The following ABCA12 variants were observed in gnomAD, a reference collection of about 807,000 sequenced individuals.
The protein encoded by ABCA12 is glucosylceramide transporter ABCA12.
Under a neutral mutation model 293.5 loss-of-function variants are expected in ABCA12, and 156 were observed. The ratio of observed to expected loss-of-function variants is 0.53; its 90% CI spans 0.47 to 0.61. The LOEUF is 0.61. Ranked by LOEUF, ABCA12 falls within the 20% of genes least tolerant of loss-of-function variation. The probability of loss-of-function intolerance (pLI) is 0.00; values close to 1 mark genes in which losing one functional copy is unlikely to be tolerated. For synonymous variants in ABCA12, 1,063 were observed against 1,108.0 expected, an observed-to-expected ratio of 0.96 and a Z score of 0.81; for missense variants, 2,797 against 3,090.2, an observed-to-expected ratio of 0.91 and a Z score of 2.25.
intron 2 of ABCA12, among the ~76,000 whole-genome samples, chr2:215,086,531 T>C (rs1198485563): frequency 6.6e-6 from 1 of 152,192 alleles, no homozygotes; most frequent in Non-Finnish European, 1.5e-5. Flanking sequence ...ATACTGTAAA[T>C]GTACCTCCAC....
chr2:214,947,667 A>C, intron 47 of ABCA12, 111 bp from the exon 48 acceptor site: 2 of 1,244,012 alleles, frequency 1.6e-6, no homozygotes. Context: ...CATGGAGAAT[A>C]TATCTGGAAA....
chr2:215,075,193 A>T (rs1275415637), intron 2 of ABCA12, among the ~76,000 whole-genome samples: 3 of 152,114 alleles, frequency 2.0e-5, no homozygotes, highest in Non-Finnish European at 4.4e-5. Context: ...AGAGGGGGGA[A>T]AATTGAGTAA....
chr2:214,980,955 G>A (rs1347379902), intron 30 of ABCA12, among the ~76,000 whole-genome samples: 4 of 151,920 alleles, frequency 2.6e-5, no homozygotes, highest in Non-Finnish European at 5.9e-5. Context: ...TGTGGTGGCG[G>A]ATGCCTATAA....
chr2:214,944,508 T>C (rs76077533), intron 49 of ABCA12, among the ~76,000 whole-genome samples: 180 of 152,014 alleles, frequency 1.2e-3, no homozygotes, highest in African/African-American at 4.0e-3. Context: ...ATGGGAAGAA[T>C]GCAGAACCAG....
At chr2:214,963,184 G>A (rs956970748) in intron 39 of ABCA12, 1 of 151,772 alleles carries the variant, frequency 6.6e-6, no homozygotes, top group Non-Finnish European at 1.5e-5. Context: ...TAACAAATAA[G>A]AAAAGAGAGA....
chr2:215,105,597 ACACG>A (rs1158405653), intron 2 of ABCA12, among the ~76,000 whole-genome samples: 13 of 135,262 alleles, frequency 9.6e-5, no homozygotes, highest in African/African-American at 3.9e-4. Flanking sequence ...ACACACACAC[ACACG>A]CACACACACA....
Position 215,049,610 on chromosome 2 carries a change from A to G in ABCA12, c.693+16T>C, listed in dbSNP as rs751560988. On this transcript the variant is annotated intron_variant, in intron 6 of 52. Coordinates refer to ENST00000272895, the MANE Select transcript of ABCA12 (RefSeq NM_173076.3). ...TTCATGTTGAGTCACTTTGTGGATC[A>G]AAGATCTACACTCACCTGGGAGAAC... 1.3e-6 allele frequency: 2 copies of G among 1,588,038 alleles called. No individual in the cohort carries two copies. Among genetic ancestry groups the G allele is most frequent in the Non-Finnish European group, 1.7e-6 (2 of 1,166,588 alleles).
chr2:215,009,134 C>T (rs1700317374), intron 18 of ABCA12, among the ~76,000 whole-genome samples: 1 of 152,104 alleles, frequency 6.6e-6, no homozygotes, highest in Non-Finnish European at 1.5e-5. Context: ...CCATGGGATA[C>T]CACACAACCA....
At chr2:215,062,554 C>G (rs1393938169) in intron 3 of ABCA12, among the ~76,000 whole-genome samples, 3 of 152,068 alleles carry the variant, frequency 2.0e-5, no homozygotes, top group Non-Finnish European at 4.4e-5. Context: ...ATGCTCTGGT[C>G]TCTGAGGTTC....
At chr2:215,087,636 T>C (rs1702069000) in intron 2 of ABCA12, among the ~76,000 whole-genome samples, 1 of 152,058 alleles carries the variant, frequency 6.6e-6, no homozygotes, top group Non-Finnish European at 1.5e-5. Flanking sequence ...CAGGGTATGA[T>C]ATTAAAGGAT....
Position 214,958,268 on chromosome 2 carries a change from G to A in ABCA12, c.6117+9C>T. The stretch of plus-strand genomic sequence containing the variant: ...TTATTCCCTGCAATGAAGGACATAA[G>A]TTACTCACCATGTCATAAATGAAGT... On this transcript the variant is annotated intron_variant, in intron 41 of 52. Transcript: ENST00000272895. 1 of 1,613,740 alleles carries A rather than the reference G, an allele frequency of 6.2e-7. No homozygotes were observed. The highest frequency in any genetic ancestry group is 8.5e-7 in the Non-Finnish European group (1 of 1,179,656).
chr2:214,961,792 C>A (rs951232222), intron 39 of ABCA12: 3 of 151,968 alleles, frequency 2.0e-5, no homozygotes, highest in African/African-American at 7.2e-5. Flanking sequence ...GTATTTTCTT[C>A]TTGGTTTCTC....
intron 44 of ABCA12, among the ~76,000 whole-genome samples, chr2:214,953,564 A>G (rs1025285652): frequency 2.6e-5 from 4 of 152,174 alleles, no homozygotes; most frequent in Admixed American, 2.0e-4. Context: ...TCTTTTGTTC[A>G]TTTACATATT....
chr2:214,966,826 A>G (rs1699271091), intron 39 of ABCA12, 22 bp downstream of exon 39: 1 of 1,607,986 alleles, frequency 6.2e-7, no homozygotes, highest in Non-Finnish European at 8.5e-7. Context: ...AATACAGGAC[A>G]CTTTTGTGTT....
intron 50 of ABCA12, among the ~76,000 whole-genome samples, chr2:214,939,634 T>C (rs1224402855): frequency 1.3e-5 from 2 of 152,214 alleles, no homozygotes; most frequent in East Asian, 1.9e-4. Flanking sequence ...TCCTCTCTTA[T>C]TTCCTTGAGC....
intron 1 of ABCA12, among the ~76,000 whole-genome samples, chr2:215,134,595 C>CTA (rs1211141803): frequency 5.3e-4 from 43 of 81,480 alleles, no homozygotes; most frequent in African/African-American, 3.5e-3. Context: ...CTCTCTCTCT[C>CTA]TCTCTATATA....
chr2:214,968,266 C>T (rs989964523), intron 38 of ABCA12, among the ~76,000 whole-genome samples: 1 of 152,034 alleles, frequency 6.6e-6, no homozygotes, highest in Non-Finnish European at 1.5e-5. Flanking sequence ...CCTAAACAAA[C>T]GGTTGAGTTT....
chr2:215,035,771 A>G (rs1034650312), intron 8 of ABCA12: 5 of 152,092 alleles, frequency 3.3e-5, no homozygotes, highest in Non-Finnish European at 7.4e-5. Flanking sequence ...TTTCACCAGG[A>G]AATGGGTTCT....
chr2:215,038,533 C>T (rs1701034955), intron 7 of ABCA12, among the ~76,000 whole-genome samples: 1 of 152,168 alleles, frequency 6.6e-6, no homozygotes, highest in Non-Finnish European at 1.5e-5. Flanking sequence ...AGAGGCATGG[C>T]TGTATTTTTC....
Sources: gnomAD v4.1 joint callset for allele counts (sites outside exome capture counted in the v4.1 genomes callset) on GRCh38, gnomAD v4.1.1 for gene constraint, MANE v1.5 for transcripts, NCBI Gene and HGNC (gene_info 2026-07-23, HGNC 2026-07-21) for gene names.